The following CAMK2G variants were observed in gnomAD, a reference collection of about 807,000 sequenced individuals.
CAMK2G encodes the protein calcium/calmodulin-dependent protein kinase type II subunit gamma.
CAMK2G carries 23 observed loss-of-function variants against 88.7 expected under a neutral mutation model. That is an observed-to-expected ratio of 0.26 (90% CI 0.19 to 0.37). The LOEUF is 0.37. CAMK2G is among the 10% of genes least tolerant of loss of function. The pLI is 1.00. For missense variants in CAMK2G, 476 were observed against 780.8 expected (o/e 0.61, Z 4.65); for synonymous variants, 263 against 294.8 (o/e 0.89, Z 1.11).
chr10:73,821,564 C>T lies in CAMK2G; in HGVS notation c.1249+118G>A. ...AGTAGCTTTTATACCAAGCCCTCTCCTAGGGGCATAGGAGCCAGCATTCCC... is the reference window on the plus strand; with the variant it reads ...AGTAGCTTTTATACCAAGCCCTCTCTTAGGGGCATAGGAGCCAGCATTCCC... On this transcript the variant is annotated intron_variant, in intron 18 of 22. Coordinates refer to ENST00000423381, the MANE Select transcript of CAMK2G (RefSeq NM_001367534.1). 3 of 773,328 alleles carry T rather than the reference C, an allele frequency of 3.9e-6. 1 individual carries two copies. In the East Asian group the frequency reaches 8.0e-5, roughly 21 times the overall value. The allele number at this position is 773,328 out of a possible 1,614,324, so 47.9% of individuals were successfully genotyped here.
Position 73,874,522 on chromosome 10 carries a change from C to T in CAMK2G, c.-61G>A. 2 of 1,242,666 alleles carry T rather than the reference C, an allele frequency of 1.6e-6. No homozygotes were observed. Among genetic ancestry groups the T allele is most frequent in the South Asian group, 1.8e-5 (1 of 56,988 alleles). 77.0% of individuals were successfully genotyped at this position (1,242,666 alleles called of 1,614,324 possible). The stretch of plus-strand genomic sequence containing the variant: ...GCCGACGTCGGTGCACAGTCACCGC[C>T]GCCCGGCCGAGGGAGCAAGAGGAGG... On this transcript the variant is annotated 5_prime_UTR_variant, in exon 1 of 23. Coordinates refer to ENST00000423381, the MANE Select transcript of CAMK2G (RefSeq NM_001367534.1).
intron 10 of CAMK2G, among the ~76,000 whole-genome samples, chr10:73,845,590 A>G (rs1357981137): frequency 1.3e-5 from 2 of 151,784 alleles, no homozygotes; most frequent in African/African-American, 4.8e-5. Context: ...AAAAAAAAAA[A>G]AAAGAGAAAA....
In CAMK2G at chr10:73,822,956, G is replaced by C. The variant is rs563297020; in HGVS notation, c.1200+1084C>G. On this transcript the variant is annotated intron_variant, in intron 17 of 22. Coordinates refer to ENST00000423381, the MANE Select transcript of CAMK2G (RefSeq NM_001367534.1). ...AGCTCACTGCAACCTCCGCCTCCCAGGTTCAAGCGATTCTCCTGCCTCAGC... is the reference window on the plus strand; with the variant it reads ...AGCTCACTGCAACCTCCGCCTCCCACGTTCAAGCGATTCTCCTGCCTCAGC... Among the ~76,000 whole-genome samples, 15 of 152,246 alleles carry C rather than the reference G, an allele frequency of 9.9e-5. No individual in the cohort carries two copies. In the East Asian group the frequency reaches 2.7e-3, roughly 28 times the overall value.
chr10:73,815,372 C>CA (rs2085071212), intron 21 of CAMK2G, 125 bp from the exon 22 acceptor site: 4 of 655,184 alleles, frequency 6.1e-6, no homozygotes, highest in African/African-American at 5.6e-5. Flanking sequence ...AAGTACCGCC[C>CA]CCCCCCACCC....
At chr10:73,869,630 G>C (rs1235834281) in intron 2 of CAMK2G, among the ~76,000 whole-genome samples, 1 of 152,240 alleles carries the variant, frequency 6.6e-6, no homozygotes, top group Non-Finnish European at 1.5e-5. Flanking sequence ...GCATACGTCA[G>C]GCACTTCGCT....
At chr10:73,834,047 T>C (rs1485325051) in intron 14 of CAMK2G, among the ~76,000 whole-genome samples, 1 of 148,864 alleles carries the variant, frequency 6.7e-6, no homozygotes, top group African/African-American at 2.5e-5. Flanking sequence ...ACCTCCCAAG[T>C]AGCTGGGACT....
intron 21 of CAMK2G, 68 bp downstream of exon 21, chr10:73,816,955 G>T: frequency 1.9e-6 from 3 of 1,613,458 alleles, no homozygotes; most frequent in South Asian, 1.1e-5. Context: ...ATGAGAAGGT[G>T]AGCAGGAGAC....
intron 3 of CAMK2G, among the ~76,000 whole-genome samples, chr10:73,854,265 C>A (rs1168594966): frequency 2.0e-5 from 3 of 152,224 alleles, no homozygotes; most frequent in Non-Finnish European, 4.4e-5. Context: ...GATGCACCAG[C>A]TGCGAGAAAA....
At chr10:73,816,592 C>A (rs1244110249) in intron 21 of CAMK2G, 20 of 607,952 alleles carry the variant, frequency 3.3e-5, no homozygotes, top group Non-Finnish European at 4.6e-5. Flanking sequence ...ACCCGAGTAG[C>A]TGGGACTACA....
At chr10:73,855,631 A>G (rs1031965360) in intron 3 of CAMK2G, among the ~76,000 whole-genome samples, 3 of 152,194 alleles carry the variant, frequency 2.0e-5, no homozygotes, top group African/African-American at 7.2e-5. Flanking sequence ...ACATGGAGTC[A>G]TTGGCGTCTG....
chr10:73,828,616 T>C (rs552885515), intron 14 of CAMK2G, among the ~76,000 whole-genome samples: 2 of 152,378 alleles, frequency 1.3e-5, no homozygotes, highest in East Asian at 3.9e-4. Flanking sequence ...CTTCGCTGCA[T>C]CCCTACTATG....
Position 73,848,449 on chromosome 10 carries a change from G to T in CAMK2G, c.601+77C>A. ...GCACGTGTGTGACCTGCAAGGAATA[G>T]CGATGCCTCTTTCTTGCCATCATCG... On this transcript the variant is annotated intron_variant, in intron 8 of 22. Coordinates refer to ENST00000423381, the MANE Select transcript of CAMK2G (RefSeq NM_001367534.1). This position sits in a 1 kb window ranked among gnomAD's most constrained non-coding sequence, Gnocchi z 4.5. 1 of 939,856 alleles carries T rather than the reference G, an allele frequency of 1.1e-6. No individual in the cohort carries two copies. 58.2% of individuals were successfully genotyped at this position (939,856 alleles called of 1,614,324 possible).
At chr10:73,816,175 TG>T in intron 21 of CAMK2G, 1 of 985,444 alleles carries the variant, frequency 1.0e-6, no homozygotes, top group Middle Eastern at 5.2e-4. Flanking sequence ...GAGGGGGTGA[TG>T]ATTCAGCTTC....
intron 17 of CAMK2G, among the ~76,000 whole-genome samples, chr10:73,822,048 A>T (rs569756546): frequency 6.6e-6 from 1 of 152,140 alleles, no homozygotes; most frequent in Non-Finnish European, 1.5e-5. Flanking sequence ...AGTAAACCCC[A>T]TGTCTTACCT....
intron 10 of CAMK2G, chr10:73,846,588 C>G (rs147942003): frequency 2.6e-5 from 4 of 152,316 alleles, no homozygotes; most frequent in Non-Finnish European, 5.9e-5. Context: ...TAACCAGCAC[C>G]AAAGAGGTAT....
intron 3 of CAMK2G, among the ~76,000 whole-genome samples, chr10:73,854,557 A>G (rs2094885489): frequency 6.6e-6 from 1 of 152,122 alleles, no homozygotes; most frequent in Admixed American, 6.5e-5. Context: ...GGTGCACCTC[A>G]TGGAGCACTT....
chr10:73,817,633 G>A (rs1465635748), intron 19 of CAMK2G, 79 bp from the exon 20 acceptor site: 28 of 920,448 alleles, frequency 3.0e-5, no homozygotes, highest in Non-Finnish European at 5.1e-5. Flanking sequence ...GTCCTCAGGA[G>A]TCCCCTGTGA....
intron 18 of CAMK2G, among the ~76,000 whole-genome samples, chr10:73,820,478 ATATATATATATATATTTTTTT>A (rs2087714355): frequency 6.5e-5 from 2 of 30,724 alleles, no homozygotes; most frequent in South Asian, 1.5e-3. Context: ...ATATATATAT[ATATATATATATATATTTTTTT>A]TTTTTTTTTT....
At chr10:73,847,845 G>C in intron 9 of CAMK2G, 143 bp downstream of exon 9, 1 of 595,062 alleles carries the variant, frequency 1.7e-6, no homozygotes, top group Non-Finnish European at 3.0e-6. Context: ...ATTGGGCCCT[G>C]GATGCCCATT....
Sources: gnomAD v4.1 joint callset for allele counts (sites outside exome capture counted in the v4.1 genomes callset) on GRCh38, gnomAD v4.1.1 for gene constraint, Gnocchi (gnomAD v3.1) non-coding constraint, MANE v1.5 for transcripts, NCBI Gene and HGNC (gene_info 2026-07-23, HGNC 2026-07-21) for gene names.